The following RBFOX1 variants were observed in gnomAD, a reference collection of about 807,000 sequenced individuals.
RBFOX1 encodes RNA binding fox-1 homolog 1, also known as RNA binding protein fox-1 homolog 1.
A neutral mutation model predicts 57.7 loss-of-function variants in RBFOX1; 8 were observed. The observed-to-expected ratio is 0.14, with a 90% CI of 0.08 to 0.25. The LOEUF (loss-of-function observed/expected upper bound fraction) is 0.25, where lower values mean the gene tolerates loss of function less well. Among genes scored for constraint, RBFOX1 ranks in the 10% least tolerant of loss-of-function variants. RBFOX1 has a pLI of 1.00. For missense variants in RBFOX1, 611 were observed against 548.5 expected (o/e 1.11, Z -1.14); for synonymous variants, 326 against 222.4 (o/e 1.47, Z -4.15).
chr16:5,988,232 C>T (rs1324421754), intron 4 of RBFOX1, among the ~76,000 whole-genome samples: 1 of 152,026 alleles, frequency 6.6e-6, no homozygotes, highest in Admixed American at 6.6e-5. Flanking sequence ...AGTCTTTTCC[C>T]CCTCACTAAT....
At chr16:5,267,487 G>T (rs557564948) in intron 1 of RBFOX1, among the ~76,000 whole-genome samples, 2 of 151,734 alleles carry the variant, frequency 1.3e-5, no homozygotes, top group Non-Finnish European at 2.9e-5. Flanking sequence ...TAGTAGAGGC[G>T]GGGTTTCACC....
intron 1 of RBFOX1, among the ~76,000 whole-genome samples, chr16:6,296,645 C>T (rs956704143): frequency 5.3e-5 from 8 of 152,174 alleles, no homozygotes; most frequent in African/African-American, 1.7e-4. Flanking sequence ...TGGTCTCGAT[C>T]TCCTGACCTT....
chr16:7,347,045 G>C (rs1284816740), intron 4 of RBFOX1, among the ~76,000 whole-genome samples: 1 of 152,210 alleles, frequency 6.6e-6, no homozygotes, highest in African/African-American at 2.4e-5. Flanking sequence ...GACAGGCCTA[G>C]TGATCTCAGC....
At chr16:6,725,871 G>C (rs1019450404) in intron 3 of RBFOX1, among the ~76,000 whole-genome samples, 1 of 152,030 alleles carries the variant, frequency 6.6e-6, no homozygotes, top group African/African-American at 2.4e-5. Flanking sequence ...TTTCTCATTT[G>C]ATTTATCAGA....
chr16:7,592,510 C>G (rs1314319446), intron 7 of RBFOX1, among the ~76,000 whole-genome samples: 1 of 152,210 alleles, frequency 6.6e-6, no homozygotes, highest in African/African-American at 2.4e-5. Context: ...GTAATAATGA[C>G]TGCTAGTTCC....
At chr16:6,212,712 C>A (rs1299878082) in intron 1 of RBFOX1, among the ~76,000 whole-genome samples, 1 of 8,082 alleles carries the variant, frequency 1.2e-4, no homozygotes, top group Non-Finnish European at 1.9e-3. Flanking sequence ...GTCAAAAAAA[C>A]AAACAAACAA....
At chr16:6,938,286 G>C (rs1268588777) in intron 3 of RBFOX1, among the ~76,000 whole-genome samples, 1 of 152,050 alleles carries the variant, frequency 6.6e-6, no homozygotes, top group Non-Finnish European at 1.5e-5. Flanking sequence ...TTTAGCCTTT[G>C]TATTTTTTGG....
intron 2 of RBFOX1, among the ~76,000 whole-genome samples, chr16:6,469,663 C>G (rs529803358): frequency 6.6e-6 from 1 of 152,278 alleles, no homozygotes; most frequent in East Asian, 1.9e-4. Context: ...ACATTTTTTC[C>G]TCCTCCTGTT....
At chr16:5,564,465 TA>T (rs2045993039) in intron 2 of RBFOX1, among the ~76,000 whole-genome samples, 1 of 152,242 alleles carries the variant, frequency 6.6e-6, no homozygotes, top group South Asian at 2.1e-4. Context: ...CCCATTCATT[TA>T]TTTTTTTGGT....
chr16:5,248,048 C>T (rs1002592349), intron 1 of RBFOX1, among the ~76,000 whole-genome samples: 1 of 152,186 alleles, frequency 6.6e-6, no homozygotes, highest in African/African-American at 2.4e-5. Flanking sequence ...CTAACATTTT[C>T]CTAAGATGGG....
At chr16:6,955,262 AAATTT>A (rs1882740828) in intron 3 of RBFOX1, among the ~76,000 whole-genome samples, 1 of 149,918 alleles carries the variant, frequency 6.7e-6, no homozygotes, top group Admixed American at 6.7e-5. Context: ...AGAAAAAAAG[AAATTT>A]AATCTAGAAC....
chr16:6,451,725 A>G (rs1305060434), intron 2 of RBFOX1, among the ~76,000 whole-genome samples: 3 of 152,222 alleles, frequency 2.0e-5, no homozygotes, highest in South Asian at 4.2e-4. Context: ...CTTGGCTCAC[A>G]CCACCACAGA....
At chr16:7,474,661 A>T (rs999459989) in intron 4 of RBFOX1, among the ~76,000 whole-genome samples, 4 of 152,168 alleles carry the variant, frequency 2.6e-5, no homozygotes, top group Admixed American at 1.3e-4. Context: ...TTCATCCCTT[A>T]TTACTTGTGT....
intron 1 of RBFOX1, among the ~76,000 whole-genome samples, chr16:5,391,684 C>G (rs1195483544): frequency 1.3e-5 from 2 of 152,116 alleles, no homozygotes; most frequent in Non-Finnish European, 2.9e-5. Flanking sequence ...TCCCTAGGAT[C>G]ACAGGTAGTG....
At chr16:5,883,998 A>G (rs898560990) in intron 4 of RBFOX1, among the ~76,000 whole-genome samples, 10 of 152,276 alleles carry the variant, frequency 6.6e-5, no homozygotes, top group African/African-American at 2.2e-4. Context: ...ATTGACTTGG[A>G]TGTGATTTCT....
At chr16:7,545,413 C>T (rs1178713086) in intron 5 of RBFOX1, among the ~76,000 whole-genome samples, 1 of 152,108 alleles carries the variant, frequency 6.6e-6, no homozygotes, top group Non-Finnish European at 1.5e-5. Context: ...TTGATCTCAC[C>T]TCCCTGTCCA....
chr16:6,981,042 C>CA (rs36117809), intron 3 of RBFOX1, among the ~76,000 whole-genome samples: 5,476 of 77,378 alleles, frequency 0.071, 351 homozygotes, highest in African/African-American at 0.13. Flanking sequence ...GTCTCAGTCT[C>CA]AAAAAAAAAA....
At chr16:5,605,090 G>A (rs1036325216), downstream of RBFOX1, among the ~76,000 whole-genome samples, 2 of 152,204 alleles carry the variant, frequency 1.3e-5, no homozygotes, top group Non-Finnish European at 2.9e-5. Context: ...GCCAGTTTGA[G>A]GCAGGTTTGC....
intron 3 of RBFOX1, among the ~76,000 whole-genome samples, chr16:5,789,807 A>G (rs1388867436): frequency 6.6e-6 from 1 of 152,172 alleles, no homozygotes; most frequent in African/African-American, 2.4e-5. Flanking sequence ...GTCTCCTTCT[A>G]ACCGCCAGGC....
Sources: gnomAD v4.1 joint callset for allele counts (sites outside exome capture counted in the v4.1 genomes callset) on GRCh38, gnomAD v4.1.1 for gene constraint, MANE v1.5 for transcripts, NCBI Gene and HGNC (gene_info 2026-07-23, HGNC 2026-07-21) for gene names.